The following FAM222B variants were observed in gnomAD, a reference collection of about 807,000 sequenced individuals.
FAM222B encodes family with sequence similarity 222 member B.
A neutral mutation model predicts 38.0 loss-of-function variants in FAM222B; 12 were observed. The observed-to-expected ratio is 0.32, with a 90% CI of 0.20 to 0.51. The LOEUF (loss-of-function observed/expected upper bound fraction) is 0.51, where lower values mean the gene tolerates loss of function less well. FAM222B is among the 20% of genes least tolerant of loss of function. FAM222B has a pLI of 0.97. For synonymous variants in FAM222B, 329 were observed against 317.2 expected (o/e 1.04, Z -0.40); for missense variants, 716 against 754.2 (o/e 0.95, Z 0.59).
At chr17:28,791,675 ATTTTTTTTTTT>A (rs869183871) in intron 1 of FAM222B, among the ~76,000 whole-genome samples, 1 of 116,850 alleles carries the variant, frequency 8.6e-6, no homozygotes, top group Non-Finnish European at 1.7e-5. Flanking sequence ...GAGCCCAGGA[ATTTTTTTTTTT>A]TTTTTTTTTT....
At position 28,792,799 on chromosome 17, in the gene FAM222B, G is replaced by T. The variant is rs146479372; in HGVS notation, c.-40-26092C>A. Among the ~76,000 whole-genome samples the T allele has an allele frequency of 3.6e-3, 520 of 144,626 alleles. 2 individuals are homozygous for T. The highest frequency in any genetic ancestry group is 7.4e-3 in the Middle Eastern group (2 of 272). 94.9% of individuals were successfully genotyped at this position (144,626 alleles called of 152,430 possible). A position where few individuals can be genotyped will look rare whatever the true frequency, so the allele number is the denominator to read the frequency against. ...CTATTTCAAAAAAAAAAAAAAAAAA[G>T]AAAGAAGAAACAAACAGAAAGAGAA... is the stretch of plus-strand genomic sequence containing the variant. On this transcript the variant is annotated intron_variant, in intron 1 of 2. Coordinates refer to ENST00000581407, the MANE Select transcript of FAM222B (RefSeq NM_001077498.3).
intron 1 of FAM222B, among the ~76,000 whole-genome samples, chr17:28,784,980 T>A (rs898944011): frequency 6.6e-6 from 1 of 151,860 alleles, no homozygotes; most frequent in Non-Finnish European, 1.5e-5. Context: ...GGTCTTAAAC[T>A]CCTGGACTCA....
chr17:28,778,717 ATATTTTT>A (rs1315828465), intron 1 of FAM222B, among the ~76,000 whole-genome samples: 1 of 58,400 alleles, frequency 1.7e-5, no homozygotes, highest in African/African-American at 8.3e-5. Context: ...ATATATATAT[ATATTTTT>A]TTTTTTTTTT....
intron 1 of FAM222B, among the ~76,000 whole-genome samples, chr17:28,810,883 G>C (rs906592165): frequency 1.3e-5 from 2 of 151,850 alleles, no homozygotes; most frequent in Non-Finnish European, 1.5e-5. Flanking sequence ...TAATTGTCTA[G>C]AGATCTAATA....
At position 28,757,556 on chromosome 17, in the gene FAM222B, G is replaced by C. The variant is rs2034763846; in HGVS notation, c.*714C>G. On this transcript the variant is annotated 3_prime_UTR_variant, in exon 3 of 3. Coordinates refer to ENST00000581407, the MANE Select transcript of FAM222B (RefSeq NM_001077498.3). ...ATCTTGGGTATGCTCAAAGGTCACT[G>C]TATTTTTCTAGGTTTGGAAAGGGGA... 1 of 152,008 alleles carries C rather than the reference G, an allele frequency of 6.6e-6. No individual in the cohort carries two copies. The highest frequency in any genetic ancestry group is 1.5e-5 in the Non-Finnish European group (1 of 67,998). The allele number at this position is 152,008 out of a possible 1,614,324, so 9.4% of individuals were successfully genotyped here.
chr17:28,765,847 T>G (rs2035304400), intron 2 of FAM222B, among the ~76,000 whole-genome samples: 1 of 152,326 alleles, frequency 6.6e-6, no homozygotes, highest in South Asian at 2.1e-4. Context: ...AAAAGCTCCC[T>G]GACTTCCTGT....
chr17:28,837,212 C>T (rs1008045606), intron 1 of FAM222B, among the ~76,000 whole-genome samples: 2 of 151,862 alleles, frequency 1.3e-5, no homozygotes, highest in Non-Finnish European at 2.9e-5. Flanking sequence ...GGGTGGATCA[C>T]GAGGTCAGGA....
intron 1 of FAM222B, among the ~76,000 whole-genome samples, chr17:28,839,078 G>C (rs2038947759): frequency 1.3e-5 from 2 of 151,976 alleles, no homozygotes; most frequent in Admixed American, 1.3e-4. Context: ...ATGGTGGCGG[G>C]TGCCTGTAGT....
intron 1 of FAM222B, among the ~76,000 whole-genome samples, chr17:28,830,218 G>C (rs1686263392): frequency 7.0e-6 from 1 of 143,404 alleles, no homozygotes; most frequent in African/African-American, 2.6e-5. Flanking sequence ...CTGGAGTGCA[G>C]TGGCGCGATC....
chr17:28,798,431 A>C (rs1051638979), intron 1 of FAM222B, among the ~76,000 whole-genome samples: 9 of 152,114 alleles, frequency 5.9e-5, no homozygotes, highest in Non-Finnish European at 1.3e-4. Context: ...AAGGAAATAG[A>C]AAGTACTGGG....
intron 1 of FAM222B, among the ~76,000 whole-genome samples, chr17:28,841,942 GCTT>G (rs1567910765): frequency 1.3e-5 from 2 of 152,070 alleles, no homozygotes; most frequent in Admixed American, 6.6e-5. Flanking sequence ...CAAACAATAC[GCTT>G]CTTATCTTAA....
intron 1 of FAM222B, among the ~76,000 whole-genome samples, chr17:28,811,392 A>T (rs536575992): frequency 6.6e-6 from 1 of 152,296 alleles, no homozygotes; most frequent in Admixed American, 6.5e-5. Flanking sequence ...GTGAGCCGAG[A>T]TCGCGCCACT....
intron 1 of FAM222B, among the ~76,000 whole-genome samples, chr17:28,813,152 C>CAA (rs34840127): frequency 1.7e-4 from 21 of 121,806 alleles, no homozygotes; most frequent in Non-Finnish European, 2.4e-4. Flanking sequence ...CACACACATA[C>CAA]AAAAAAAAAA....
chr17:28,839,997 T>G (rs1430785787), intron 1 of FAM222B, among the ~76,000 whole-genome samples: 10 of 151,886 alleles, frequency 6.6e-5, no homozygotes. Flanking sequence ...CCAAAACGCC[T>G]TGACAGTTTA....
At chr17:28,771,243 C>T (rs545776738) in intron 1 of FAM222B, among the ~76,000 whole-genome samples, 11 of 151,962 alleles carry the variant, frequency 7.2e-5, no homozygotes, top group Admixed American at 3.9e-4. Flanking sequence ...TTACTTTTTA[C>T]GATTTTGGAA....
upstream of FAM222B, among the ~76,000 whole-genome samples, chr17:28,847,462 C>T (rs879360136): frequency 6.6e-5 from 10 of 151,226 alleles, no homozygotes; most frequent in Non-Finnish European, 1.2e-4. Flanking sequence ...GGCATTGTGG[C>T]GGAAGCCTGT....
chr17:28,836,215 C>T (rs1365763716), intron 1 of FAM222B, among the ~76,000 whole-genome samples: 2 of 150,496 alleles, frequency 1.3e-5, no homozygotes, highest in African/African-American at 4.9e-5. Context: ...GTCTCAAACC[C>T]CTGACCTTGT....
chr17:28,790,802 C>A (rs1470176664), intron 1 of FAM222B, among the ~76,000 whole-genome samples: 1 of 147,832 alleles, frequency 6.8e-6, no homozygotes, highest in Non-Finnish European at 1.5e-5. Flanking sequence ...AACATCAGGT[C>A]AGCAACACTG....
At chr17:28,803,684 A>G (rs746109289) in intron 1 of FAM222B, among the ~76,000 whole-genome samples, 11 of 152,166 alleles carry the variant, frequency 7.2e-5, no homozygotes, top group Non-Finnish European at 1.5e-4. Context: ...AGACACCAAC[A>G]ATGAAGACAT....
Sources: gnomAD v4.1 joint callset for allele counts (sites outside exome capture counted in the v4.1 genomes callset) on GRCh38, gnomAD v4.1.1 for gene constraint, MANE v1.5 for transcripts, NCBI Gene and HGNC (gene_info 2026-07-23, HGNC 2026-07-21) for gene names.